Variants in PROS1 observed in about 807,000 individuals in gnomAD.
PROS1 encodes the protein protein S.
PROS1 carries 29 observed loss-of-function variants against 75.9 expected under a neutral mutation model. That is an observed-to-expected ratio of 0.38 (90% CI 0.28 to 0.52). PROS1 has a LOEUF of 0.52. PROS1 is among the 20% of genes least tolerant of loss of function. The pLI is 0.83. For synonymous variants in PROS1, 245 were observed against 280.6 expected (o/e 0.87, Z 1.27); for missense variants, 680 against 810.3 (o/e 0.84, Z 1.95).
At position 93,876,953 on chromosome 3, in the gene PROS1, A is replaced by G. The variant is rs1238611469; in HGVS notation, c.1870+13T>C. 2 of 1,529,338 alleles carry G rather than the reference A, an allele frequency of 1.3e-6. No individual in the cohort carries two copies. Among genetic ancestry groups the G allele is most frequent in the Admixed American group, 1.7e-5 (1 of 59,246 alleles). The allele number at this position is 1,529,338 out of a possible 1,614,324, so 94.7% of individuals were successfully genotyped here. On this transcript the variant is annotated intron_variant, in intron 14 of 14. Coordinates refer to ENST00000394236, the MANE Select transcript of PROS1 (RefSeq NM_000313.4). Reference sequence around the variant, plus strand: ...ATATACTTTTTAAAACTGAAGAAAAAGTAAGCAGATACCTGGAAGGCCACC... The same window carrying G: ...ATATACTTTTTAAAACTGAAGAAAAGGTAAGCAGATACCTGGAAGGCCACC...
At chr3:93,933,213 C>T (rs1709132435) in intron 1 of PROS1, among the ~76,000 whole-genome samples, 1 of 152,230 alleles carries the variant, frequency 6.6e-6, no homozygotes, top group East Asian at 1.9e-4. Context: ...TAGAGAACCA[C>T]CAGTTGATAC....
At chr3:93,927,953 TTGTGTATATATATATG>T (rs1423786359) in intron 1 of PROS1, among the ~76,000 whole-genome samples, 69 of 133,084 alleles carry the variant, frequency 5.2e-4, no homozygotes, top group African/African-American at 1.9e-3. Context: ...ATATATATAC[TTGTGTATATATATATG>T]TGTGTATATA....
chr3:93,877,465 G>A (rs911836510), intron 13 of PROS1, among the ~76,000 whole-genome samples: 4 of 152,036 alleles, frequency 2.6e-5, no homozygotes, highest in African/African-American at 4.8e-5. Context: ...TAAAACAACC[G>A]GAACCTATAG....
intron 1 of PROS1, among the ~76,000 whole-genome samples, chr3:93,971,829 A>G (rs1709886577): frequency 6.6e-6 from 1 of 152,122 alleles, no homozygotes. Context: ...AAAATAAAGT[A>G]AAATCAAATC....
intron 1 of PROS1, among the ~76,000 whole-genome samples, chr3:93,956,556 ACACACAAAC>A (rs1335882656): frequency 1.3e-3 from 100 of 77,644 alleles, no homozygotes; most frequent in African/African-American, 3.6e-3. Context: ...ACACACACAC[ACACACAAAC>A]ACACACACAC....
chr3:93,897,796 G>A (rs1481513997), intron 8 of PROS1, among the ~76,000 whole-genome samples: 7 of 151,984 alleles, frequency 4.6e-5, no homozygotes, highest in African/African-American at 1.7e-4. Flanking sequence ...CTCAGATGGT[G>A]ACATTTATTT....
At chr3:93,885,979 A>T (rs1347433358) in intron 11 of PROS1, among the ~76,000 whole-genome samples, 3 of 152,176 alleles carry the variant, frequency 2.0e-5, no homozygotes, top group Non-Finnish European at 4.4e-5. Flanking sequence ...ACTTAAATAT[A>T]TGAATTTATA....
intron 10 of PROS1, among the ~76,000 whole-genome samples, chr3:93,889,424 T>C (rs1446683262): frequency 6.6e-6 from 1 of 152,224 alleles, no homozygotes; most frequent in African/African-American, 2.4e-5. Context: ...TTAAAATTCC[T>C]ATTAATATTA....
At chr3:93,972,156 A>C (rs539527348) in intron 1 of PROS1, among the ~76,000 whole-genome samples, 1 of 152,350 alleles carries the variant, frequency 6.6e-6, no homozygotes, top group Admixed American at 6.5e-5. Flanking sequence ...CAAGGAGTTA[A>C]GTGTGGCAAG....
chr3:93,956,563 A>AACACACAC (rs35328809), intron 1 of PROS1, among the ~76,000 whole-genome samples: 130 of 128,374 alleles, frequency 1.0e-3, no homozygotes, highest in East Asian at 2.3e-3. Flanking sequence ...CACACACACA[A>AACACACAC]ACACACACAC....
At chr3:93,884,602 A>G in intron 12 of PROS1, 126 bp downstream of exon 12, 2 of 1,089,992 alleles carry the variant, frequency 1.8e-6, no homozygotes, top group Non-Finnish European at 2.6e-6. Flanking sequence ...TAGTATGAAT[A>G]AGCATAAGAC....
At chr3:93,972,847 T>TCAAA (rs377702842) in intron 1 of PROS1, among the ~76,000 whole-genome samples, 1 of 152,070 alleles carries the variant, frequency 6.6e-6, no homozygotes, top group Non-Finnish European at 1.5e-5. Context: ...AGACTCACCC[T>TCAAA]CAAACAAACA....
At chr3:93,896,541 A>G (rs774319716) in intron 9 of PROS1, 35 bp downstream of exon 9, 1 of 1,490,364 alleles carries the variant, frequency 6.7e-7, no homozygotes, top group Non-Finnish European at 9.4e-7. Flanking sequence ...TATCTGCTTA[A>G]CCTCTAGAAA....
At chr3:93,944,448 A>C (rs1709346987) in intron 1 of PROS1, among the ~76,000 whole-genome samples, 1 of 152,210 alleles carries the variant, frequency 6.6e-6, no homozygotes, top group African/African-American at 2.4e-5. Flanking sequence ...AAATTATAAC[A>C]AACTGTCTCT....
At chr3:93,892,826 C>T in intron 10 of PROS1, 107 bp downstream of exon 10, 1 of 1,017,500 alleles carries the variant, frequency 9.8e-7, no homozygotes, top group Non-Finnish European at 1.6e-6. Context: ...CATATAGCAT[C>T]AGATAACTCC....
At chr3:93,952,055 A>C (rs1024655520) in intron 1 of PROS1, among the ~76,000 whole-genome samples, 3 of 152,248 alleles carry the variant, frequency 2.0e-5, no homozygotes, top group African/African-American at 7.2e-5. Context: ...ATATGCACCC[A>C]ATACAGGAGC....
intron 14 of PROS1, 134 bp from the exon 15 acceptor site, chr3:93,874,539 A>T (rs1708155748): frequency 3.3e-6 from 4 of 1,213,354 alleles, no homozygotes; most frequent in Non-Finnish European, 4.6e-6. Flanking sequence ...GTGAAATTCT[A>T]TTCCATAAAT....
chr3:93,927,911 G>A (rs1158640055), intron 1 of PROS1, among the ~76,000 whole-genome samples: 1 of 135,738 alleles, frequency 7.4e-6, no homozygotes, highest in African/African-American at 2.7e-5. Flanking sequence ...GTGTGTGTGT[G>A]TGTATATATA....
intron 3 of PROS1, among the ~76,000 whole-genome samples, chr3:93,911,971 G>GAAA (rs1478977553): frequency 2.6e-5 from 4 of 152,162 alleles, no homozygotes; most frequent in Non-Finnish European, 5.9e-5. Flanking sequence ...AAAATACAGT[G>GAAA]TATCACAGAC....
Sources: gnomAD v4.1 joint callset for allele counts (sites outside exome capture counted in the v4.1 genomes callset) on GRCh38, gnomAD v4.1.1 for gene constraint, MANE v1.5 for transcripts, NCBI Gene and HGNC (gene_info 2026-07-23, HGNC 2026-07-21) for gene names.